The following SCFD2 variants were observed in gnomAD, a reference collection of about 807,000 sequenced individuals.
SCFD2 encodes the protein sec1 family domain-containing protein 2.
Under a neutral mutation model 58.9 loss-of-function variants are expected in SCFD2, and 54 were observed. That is an observed-to-expected ratio of 0.92 (90% confidence interval 0.74 to 1.15). The LOEUF (loss-of-function observed/expected upper bound fraction) is 1.15. Among genes scored for constraint, SCFD2 ranks in the 50% most tolerant of loss-of-function variants. The pLI is 0.00. For missense variants in SCFD2, 805 were observed against 836.6 expected (o/e 0.96, Z 0.47); for synonymous variants, 321 against 335.9 (o/e 0.96, Z 0.49).
At chr4:53,262,313 CT>C (rs557958602) in intron 4 of SCFD2, among the ~76,000 whole-genome samples, 2 of 151,776 alleles carry the variant, frequency 1.3e-5, no homozygotes, top group Non-Finnish European at 2.9e-5. Context: ...GCCTGGATGT[CT>C]TTTTTTTCCC....
intron 5 of SCFD2, among the ~76,000 whole-genome samples, chr4:53,012,600 C>T (rs1336330138): frequency 6.6e-6 from 1 of 152,046 alleles, no homozygotes; most frequent in Non-Finnish European, 1.5e-5. Flanking sequence ...TTCTTTCATT[C>T]CTTTGTTCAT....
At chr4:53,027,720 C>T (rs1211250654) in intron 5 of SCFD2, among the ~76,000 whole-genome samples, 12 of 151,770 alleles carry the variant, frequency 7.9e-5, no homozygotes, top group South Asian at 2.1e-4. Flanking sequence ...CCCAGCTACT[C>T]GGGAGGCTGA....
At chr4:53,223,748 C>A (rs1729117239) in intron 4 of SCFD2, among the ~76,000 whole-genome samples, 1 of 152,136 alleles carries the variant, frequency 6.6e-6, no homozygotes, top group East Asian at 1.9e-4. Context: ...CATAAAAGAA[C>A]TAAAGACAAT....
chr4:52,903,197 A>G (rs1214419673), intron 7 of SCFD2, among the ~76,000 whole-genome samples: 2 of 152,212 alleles, frequency 1.3e-5, no homozygotes, highest in Non-Finnish European at 2.9e-5. Context: ...CGTGGAAAGG[A>G]GAAGAGAGCA....
chr4:53,314,010 A>G (rs1732782040), intron 2 of SCFD2, among the ~76,000 whole-genome samples: 1 of 152,210 alleles, frequency 6.6e-6, no homozygotes, highest in South Asian at 2.1e-4. Context: ...TGTGATGAGA[A>G]GTGTGGGAAA....
At chr4:53,113,289 C>T (rs1725224089) in intron 5 of SCFD2, among the ~76,000 whole-genome samples, 1 of 152,098 alleles carries the variant, frequency 6.6e-6, no homozygotes, top group Non-Finnish European at 1.5e-5. Flanking sequence ...AGGACCATAA[C>T]CCTTACTTTG....
intron 3 of SCFD2, among the ~76,000 whole-genome samples, chr4:53,295,307 C>G (rs573203478): frequency 6.4e-4 from 97 of 152,198 alleles, no homozygotes; most frequent in African/African-American, 2.2e-3. Flanking sequence ...TGTGTCCTCT[C>G]TGATTTCCTT....
At chr4:53,279,037 A>C (rs1731428345) in intron 3 of SCFD2, among the ~76,000 whole-genome samples, 1 of 152,228 alleles carries the variant, frequency 6.6e-6, no homozygotes, top group Admixed American at 6.5e-5. Flanking sequence ...TATAAACTAA[A>C]ACAGCAAGCA....
chr4:52,938,501 C>T (rs301096), intron 5 of SCFD2, among the ~76,000 whole-genome samples: 19,884 of 152,134 alleles, frequency 0.13, 2,723 homozygotes, highest in African/African-American at 0.35. Context: ...GACAAACCTA[C>T]GAGTTACTTA....
chr4:53,141,950 C>CA (rs1156554983), intron 5 of SCFD2, among the ~76,000 whole-genome samples: 1 of 152,022 alleles, frequency 6.6e-6, no homozygotes, highest in Admixed American at 6.5e-5. Context: ...ATCTTCCCCA[C>CA]CAAATCCACT....
rs767722198 is a variant in SCFD2 at position 53,352,761 on chromosome 4, C to T, written c.844G>A (p.Val282Ile). 1.3e-5 allele frequency: 21 copies of T among 1,613,452 alleles called. No homozygotes were observed. The highest frequency in any genetic ancestry group is 1.8e-5 in the Non-Finnish European group (21 of 1,179,502). The change falls in exon 2 of 9, where the codon GTT becomes ATT. Residue 282 changes from valine to isoleucine, a missense_variant. Transcript: ENST00000401642. ...VDRTLDLTGA[V>I]GHHGDNLVEK... ...ACTAAGTTGTCTCCATGATGTCCAA[C>T]TGCTCCTGTTTAAGCAGACAAGATG... is the stretch of plus-strand genomic sequence containing the variant.
At chr4:52,915,304 T>C (rs1472479431) in intron 6 of SCFD2, among the ~76,000 whole-genome samples, 1 of 152,178 alleles carries the variant, frequency 6.6e-6, no homozygotes, top group Non-Finnish European at 1.5e-5. Context: ...AGCTGGGGGC[T>C]CAGTTCTGAT....
intron 5 of SCFD2, among the ~76,000 whole-genome samples, chr4:52,937,507 A>G (rs558625937): frequency 6.6e-6 from 1 of 152,230 alleles, no homozygotes; most frequent in Non-Finnish European, 1.5e-5. Context: ...AGAGCACACA[A>G]GCTCTGCACT....
intron 5 of SCFD2, among the ~76,000 whole-genome samples, chr4:53,142,577 A>C (rs1048849615): frequency 2.6e-5 from 4 of 152,232 alleles, no homozygotes; most frequent in Non-Finnish European, 4.4e-5. Context: ...CACACAAAGC[A>C]CATTTGGAAG....
At chr4:53,240,866 G>A (rs1447336436) in intron 4 of SCFD2, among the ~76,000 whole-genome samples, 1 of 152,188 alleles carries the variant, frequency 6.6e-6, no homozygotes, top group Non-Finnish European at 1.5e-5. Flanking sequence ...AAAGAACATT[G>A]AATGGACCTC....
intron 4 of SCFD2, among the ~76,000 whole-genome samples, chr4:53,214,636 C>T (rs553327586): frequency 0.012 from 1,876 of 152,112 alleles, 24 homozygotes; most frequent in Non-Finnish European, 0.015. Flanking sequence ...TCTTTTGCTG[C>T]ACAGAAGCTC....
chr4:53,115,889 G>C (rs539477010), intron 5 of SCFD2, among the ~76,000 whole-genome samples: 1 of 152,188 alleles, frequency 6.6e-6, no homozygotes, highest in Non-Finnish European at 1.5e-5. Flanking sequence ...TTATCATATA[G>C]AAGACCTATG....
intron 4 of SCFD2, among the ~76,000 whole-genome samples, chr4:53,214,300 C>T (rs539800453): frequency 2.0e-5 from 3 of 151,872 alleles, no homozygotes; most frequent in Non-Finnish European, 4.4e-5. Context: ...TATTTCTCCA[C>T]ATCCTCCCAG....
intron 4 of SCFD2, among the ~76,000 whole-genome samples, chr4:53,202,217 G>A (rs923164999): frequency 5.3e-5 from 8 of 152,130 alleles, no homozygotes; most frequent in African/African-American, 1.9e-4. Flanking sequence ...GTGTAAGGAA[G>A]GGATCCAGTT....
Sources: allele counts gnomAD v4.1 joint callset (sites outside exome capture counted in the v4.1 genomes callset), GRCh38; gene constraint gnomAD v4.1.1; transcripts MANE v1.5; gene names NCBI Gene and HGNC (gene_info 2026-07-23, HGNC 2026-07-21).